NUBPL: variants seen among roughly 807,000 people sequenced by gnomAD.
NUBPL encodes NUBP iron-sulfur cluster assembly factor, mitochondrial, also known as iron-sulfur cluster transfer protein NUBPL.
NUBPL carries 31 observed loss-of-function variants against 45.7 expected under a neutral mutation model. The ratio of observed to expected loss-of-function variants is 0.68; its 90% CI spans 0.51 to 0.92. The LOEUF is 0.92. Ranked by LOEUF, NUBPL falls within the 40% of genes least tolerant of loss-of-function variation. The pLI is 0.00. For synonymous variants in NUBPL, 144 were observed against 140.9 expected (o/e 1.02, Z -0.15); for missense variants, 401 against 398.7 (o/e 1.01, Z -0.05).
At chr14:31,793,468 T>C (rs1265038256) in intron 7 of NUBPL, among the ~76,000 whole-genome samples, 1 of 152,232 alleles carries the variant, frequency 6.6e-6, no homozygotes, top group Non-Finnish European at 1.5e-5. Context: ...ATAGCACTTC[T>C]GATGTTCTTC....
intron 10 of NUBPL, among the ~76,000 whole-genome samples, chr14:31,852,864 TAGA>T (rs1471694441): frequency 2.0e-5 from 3 of 152,068 alleles, no homozygotes; most frequent in Non-Finnish European, 4.4e-5. Context: ...TGAACTCAAA[TAGA>T]AATGTGCTCT....
chr14:31,687,468 G>C (rs1313864306), intron 6 of NUBPL, among the ~76,000 whole-genome samples: 2 of 152,192 alleles, frequency 1.3e-5, no homozygotes, highest in African/African-American at 4.8e-5. Flanking sequence ...GCCATTAGCA[G>C]TCAAGAGAAA....
chr14:31,583,566 A>G (rs2033919633), intron 3 of NUBPL, among the ~76,000 whole-genome samples: 1 of 152,230 alleles, frequency 6.6e-6, no homozygotes, highest in Admixed American at 6.5e-5. Flanking sequence ...CCCAGTGAGT[A>G]ATACTAATTA....
intron 3 of NUBPL, among the ~76,000 whole-genome samples, chr14:31,565,823 G>T (rs2033421161): frequency 6.6e-6 from 1 of 151,700 alleles, no homozygotes; most frequent in Admixed American, 6.6e-5. Flanking sequence ...ACTCCTAAAA[G>T]TTTGCTTGTA....
At chr14:31,646,193 C>T (rs971582504) in intron 4 of NUBPL, among the ~76,000 whole-genome samples, 9 of 151,900 alleles carry the variant, frequency 5.9e-5, no homozygotes, top group East Asian at 5.8e-4. Flanking sequence ...GCCCTTCCCC[C>T]GCTTTTTTTT....
At chr14:31,582,011 G>A (rs2033876501) in intron 3 of NUBPL, among the ~76,000 whole-genome samples, 1 of 152,074 alleles carries the variant, frequency 6.6e-6, no homozygotes, top group Non-Finnish European at 1.5e-5. Context: ...GCAGTTATTT[G>A]CTTGTTATTT....
At chr14:31,841,007 A>C (rs546994335) in intron 8 of NUBPL, among the ~76,000 whole-genome samples, 2 of 152,350 alleles carry the variant, frequency 1.3e-5, no homozygotes, top group South Asian at 4.1e-4. Context: ...AGATTCACTT[A>C]TACTGCTGAT....
At chr14:31,600,805 G>A (rs1210065456) in intron 4 of NUBPL, among the ~76,000 whole-genome samples, 1 of 151,174 alleles carries the variant, frequency 6.6e-6, no homozygotes, top group East Asian at 1.9e-4. Context: ...TGCTTTTGGT[G>A]TTTTAGACAT....
chr14:31,688,402 C>T (rs1056286207), intron 6 of NUBPL, among the ~76,000 whole-genome samples: 3 of 151,712 alleles, frequency 2.0e-5, no homozygotes, highest in African/African-American at 4.8e-5. Flanking sequence ...ATAGCAAAAC[C>T]CCGTCTCTAC....
intron 6 of NUBPL, among the ~76,000 whole-genome samples, chr14:31,728,005 T>C (rs2139968327): frequency 6.6e-6 from 1 of 152,290 alleles, no homozygotes; most frequent in African/African-American, 2.4e-5. Flanking sequence ...CTGTCAGCAT[T>C]TCTATTATAA....
At chr14:31,642,404 T>C (rs1321783819) in intron 4 of NUBPL, among the ~76,000 whole-genome samples, 4 of 152,182 alleles carry the variant, frequency 2.6e-5, no homozygotes, top group Non-Finnish European at 4.4e-5. Context: ...CTCATGTGGT[T>C]ACCTAGTTTT....
chr14:31,730,747 C>G (rs991459774), intron 6 of NUBPL, among the ~76,000 whole-genome samples: 1 of 152,068 alleles, frequency 6.6e-6, no homozygotes, highest in African/African-American at 2.4e-5. Context: ...ATTACAGGCA[C>G]CTGGCCTGGA....
intron 4 of NUBPL, among the ~76,000 whole-genome samples, chr14:31,632,293 AGAGAT>A (rs2035366253): frequency 6.6e-6 from 1 of 152,220 alleles, no homozygotes; most frequent in Non-Finnish European, 1.5e-5. Flanking sequence ...AGAGTCTTGT[AGAGAT>A]GTCTGCCTTC....
At chr14:31,735,680 T>C (rs1031553730) in intron 6 of NUBPL, among the ~76,000 whole-genome samples, 10 of 151,918 alleles carry the variant, frequency 6.6e-5, no homozygotes, top group Non-Finnish European at 1.5e-4. Context: ...GGTGAAACCC[T>C]GTCTCTACTA....
intron 4 of NUBPL, among the ~76,000 whole-genome samples, chr14:31,673,007 CAG>C (rs2036608291): frequency 6.6e-6 from 1 of 152,146 alleles, no homozygotes; most frequent in Non-Finnish European, 1.5e-5. Flanking sequence ...TTCAGTTAGA[CAG>C]GGGGAATAAG....
Position 31,676,274 on chromosome 14 carries a change from C to T in NUBPL, c.513+2700C>T, listed in dbSNP as rs61997368. 1.2e-3 allele frequency among the ~76,000 whole-genome samples: 184 copies of T among 152,048 alleles called. 1 individual carries two copies. The highest frequency in any genetic ancestry group is 3.5e-3 in the Admixed American group (53 of 15,270). ...CCAACTTCAGGTGATCTGCCCGTCT[C>T]GGTCTCCCAAAGTGCTGGGATTACA... On this transcript the variant is annotated intron_variant, in intron 6 of 10. Transcript: ENST00000281081.
chr14:31,653,430 T>A (rs1360975392), intron 4 of NUBPL, among the ~76,000 whole-genome samples: 1 of 152,006 alleles, frequency 6.6e-6, no homozygotes, highest in Non-Finnish European at 1.5e-5. Context: ...TTTCCTAGGG[T>A]CTTAATATTA....
At chr14:31,653,990 A>G in intron 4 of NUBPL, 1 of 412,334 alleles carries the variant, frequency 2.4e-6, no homozygotes, top group Non-Finnish European at 5.0e-6. Context: ...TTGACTTTGT[A>G]TTTCATGGGG....
chr14:31,795,021 T>G (rs1317204478), intron 7 of NUBPL, among the ~76,000 whole-genome samples: 1 of 146,766 alleles, frequency 6.8e-6, no homozygotes, highest in African/African-American at 2.6e-5. Flanking sequence ...TTCTCAGGTT[T>G]GTCAAAGATC....
Sources: allele counts gnomAD v4.1 joint callset (sites outside exome capture counted in the v4.1 genomes callset), GRCh38; gene constraint gnomAD v4.1.1; transcripts MANE v1.5; gene names NCBI Gene and HGNC (gene_info 2026-07-23, HGNC 2026-07-21).